ANOS1: variants seen among roughly 807,000 people sequenced by gnomAD.
ANOS1 encodes the protein anosmin-1.
A neutral mutation model predicts 59.0 loss-of-function variants in ANOS1; 6 were observed. The ratio of observed to expected loss-of-function variants is 0.10; its 90% CI spans 0.06 to 0.20. The LOEUF (loss-of-function observed/expected upper bound fraction) is 0.20, where lower values mean the gene tolerates loss of function less well. ANOS1 is among the 10% of genes least tolerant of loss of function. ANOS1 has a pLI of 1.00. For missense variants in ANOS1, 433 were observed against 542.3 expected, an observed-to-expected ratio of 0.80 and a Z score of 2.00; for synonymous variants, 217 against 223.4, an observed-to-expected ratio of 0.97 and a Z score of 0.25.
chrX:8,686,796 A>G (rs1224078535), intron 2 of ANOS1, among the ~76,000 whole-genome samples: 1 of 111,072 alleles, frequency 9.0e-6, no homozygotes. Context: ...TACTAAAAAA[A>G]TACAAAAATT....
At chrX:8,574,963 T>C (rs754991954) in intron 6 of ANOS1, among the ~76,000 whole-genome samples, 2 of 112,165 alleles carry the variant, frequency 1.8e-5, no homozygotes, top group South Asian at 7.4e-4. Flanking sequence ...AGAGGAGGAA[T>C]GTTTGCTTGT....
intron 3 of ANOS1, among the ~76,000 whole-genome samples, chrX:8,618,096 T>C (rs1325831417): frequency 8.9e-6 from 1 of 112,243 alleles, no homozygotes; most frequent in Non-Finnish European, 1.9e-5. Flanking sequence ...TCCTTGTGTA[T>C]GAGTTTCCTT....
chrX:8,601,684 C>T (rs1930845234), intron 3 of ANOS1, among the ~76,000 whole-genome samples: 1 of 111,671 alleles, frequency 9.0e-6, no homozygotes, highest in African/African-American at 3.3e-5. Flanking sequence ...CATCTTTGCA[C>T]CCATGGTTTC....
chrX:8,537,841 T>C (rs1374363038), intron 10 of ANOS1, among the ~76,000 whole-genome samples: 8 of 110,137 alleles, frequency 7.3e-5, no homozygotes, highest in African/African-American at 2.6e-4. Context: ...CTGGCACTCA[T>C]TGGATGATGG....
intron 8 of ANOS1, among the ~76,000 whole-genome samples, chrX:8,563,589 A>G (rs1362466013): frequency 8.9e-6 from 1 of 112,435 alleles, no homozygotes; most frequent in African/African-American, 3.2e-5. Flanking sequence ...TGACACCAAA[A>G]GCCATTTCTT....
At chrX:8,664,175 A>T (rs1932089416) in intron 2 of ANOS1, among the ~76,000 whole-genome samples, 1 of 111,954 alleles carries the variant, frequency 8.9e-6, no homozygotes, top group Non-Finnish European at 1.9e-5. Context: ...CATGTATCCC[A>T]GAACATAAAA....
intron 2 of ANOS1, among the ~76,000 whole-genome samples, chrX:8,650,572 G>A (rs1471484143): frequency 8.9e-6 from 1 of 111,985 alleles, no homozygotes; most frequent in African/African-American, 3.2e-5. Flanking sequence ...ACAAAAATGA[G>A]CTGGGAATGG....
intron 8 of ANOS1, among the ~76,000 whole-genome samples, chrX:8,555,826 C>T (rs1423341390): frequency 8.9e-6 from 1 of 112,502 alleles, no homozygotes; most frequent in Non-Finnish European, 1.9e-5. Flanking sequence ...AAGAGGGACT[C>T]CTCCCTAACT....
At chrX:8,667,743 A>C (rs975388819) in intron 2 of ANOS1, among the ~76,000 whole-genome samples, 1 of 110,976 alleles carries the variant, frequency 9.0e-6, no homozygotes, top group Non-Finnish European at 1.9e-5. Context: ...AAGGTAAGGG[A>C]TTTAGTGGCC....
At chrX:8,650,349 G>A (rs1931831229) in intron 2 of ANOS1, among the ~76,000 whole-genome samples, 2 of 112,481 alleles carry the variant, frequency 1.8e-5, no homozygotes, top group African/African-American at 6.5e-5. Flanking sequence ...AATGAGAACA[G>A]CATGGTCAGA....
intron 3 of ANOS1, among the ~76,000 whole-genome samples, chrX:8,608,613 T>C (rs979314863): frequency 2.7e-5 from 3 of 112,096 alleles, no homozygotes; most frequent in African/African-American, 6.5e-5. Flanking sequence ...CAAAATGAAA[T>C]AGAAACTAAC....
chrX:8,703,172 G>A (rs1483897826), intron 1 of ANOS1, among the ~76,000 whole-genome samples: 1 of 111,914 alleles, frequency 8.9e-6, no homozygotes, highest in Non-Finnish European at 1.9e-5. Flanking sequence ...TTTCCCTGGG[G>A]ACAGGATTCC....
chrX:8,649,697 A>G lies in ANOS1; in HGVS notation c.256-26027T>C, dbSNP rs138337501. ...TAACATGTCCAAGTTCCCCAATTTA[A>G]AATTTCTCAACAATGGTAACAATCA... On this transcript the variant is annotated intron_variant, in intron 2 of 13. Coordinates refer to ENST00000262648, the MANE Select transcript of ANOS1 (RefSeq NM_000216.4). Among the ~76,000 whole-genome samples the G allele has an allele frequency of 4.4e-4, 50 of 112,434 alleles. No homozygotes were observed. In the East Asian group the frequency reaches 0.012, roughly 28 times the overall value.
intron 2 of ANOS1, among the ~76,000 whole-genome samples, chrX:8,687,593 A>AACACACAC (rs58384646): frequency 1.0e-3 from 97 of 95,660 alleles, no homozygotes; most frequent in Non-Finnish European, 1.4e-3. Context: ...TAATCCAGTA[A>AACACACAC]ACACACACAC....
At chrX:8,652,283 T>C (rs1887964488) in intron 2 of ANOS1, among the ~76,000 whole-genome samples, 1 of 111,810 alleles carries the variant, frequency 8.9e-6, no homozygotes, top group South Asian at 3.8e-4. Context: ...ATTTAGTTTC[T>C]GATTTTTGTT....
chrX:8,704,960 G>C (rs1165619355), intron 1 of ANOS1, among the ~76,000 whole-genome samples: 4 of 111,346 alleles, frequency 3.6e-5, no homozygotes, highest in Non-Finnish European at 7.5e-5. Context: ...AAAATACTAA[G>C]ATACAGTATT....
chrX:8,687,851 GC>G (rs1373843418), intron 2 of ANOS1, among the ~76,000 whole-genome samples: 1 of 112,019 alleles, frequency 8.9e-6, no homozygotes, highest in African/African-American at 3.2e-5. Flanking sequence ...AAGTGAGACA[GC>G]AAGAGTTTCT....
intron 1 of ANOS1, among the ~76,000 whole-genome samples, chrX:8,722,047 T>TC (rs1027658479): frequency 8.1e-5 from 9 of 111,531 alleles, no homozygotes; most frequent in African/African-American, 2.9e-4. Context: ...TACAAAAAAC[T>TC]CCATCTATTG....
chrX:8,570,612 G>A lies in ANOS1; in HGVS notation c.949C>T (p.Leu317Phe), dbSNP rs770484439. The A allele has an allele frequency of 1.7e-6, 2 of 1,209,373 alleles. No homozygotes were observed. Among genetic ancestry groups the A allele is most frequent in the South Asian group, 1.8e-5 (1 of 56,722 alleles). The change falls in exon 7 of 14, where the codon CTC (leucine) becomes TTC (phenylalanine). Residue 317 changes from leucine to phenylalanine, a missense_variant. Physicochemically the swap from Leu to Phe is conservative, Grantham distance 22 (BLOSUM62 0). Coordinates refer to ENST00000262648, the MANE Select transcript of ANOS1 (RefSeq NM_000216.4). ...GSVTVTIVWD[L>F]PEEPDIPVHH... Reference sequence around the variant, plus strand: ...ACAGGGATGTCCGGCTCCTCGGGGAGATCCCAAACTATAGTGACGGTCACA... The same window carrying A: ...ACAGGGATGTCCGGCTCCTCGGGGAAATCCCAAACTATAGTGACGGTCACA...
Sources: gnomAD v4.1 joint callset for allele counts (sites outside exome capture counted in the v4.1 genomes callset) on GRCh38, gnomAD v4.1.1 for gene constraint, MANE v1.5 for transcripts, NCBI Gene and HGNC (gene_info 2026-07-23, HGNC 2026-07-21) for gene names.